The following CLEC20A variants were observed in gnomAD, a reference collection of about 807,000 sequenced individuals.
The protein encoded by CLEC20A is putative C-type lectin domain family 20 member A.
At chr1:178,485,982 G>T (rs2101865537) in intron 5 of CLEC20A, among the ~76,000 whole-genome samples, 1 of 152,308 alleles carries the variant, frequency 6.6e-6, no homozygotes, top group Middle Eastern at 3.4e-3. Context: ...ACCATTTATT[G>T]AGTGTCTGCC....
At position 178,485,320 on chromosome 1, in the gene CLEC20A, T is replaced by C. The variant is rs187082745; in HGVS notation, c.929-2038A>G. On this transcript the variant is annotated intron_variant, in intron 5 of 7. Coordinates refer to ENST00000623247, the Ensembl canonical transcript of CLEC20A. The stretch of plus-strand genomic sequence containing the variant: ...TCCATTGGCTGGGGGATCAAGTCCT[T>C]CAGATTTTGCCCCCAGTGTACCCCT... 3.9e-5 allele frequency among the ~76,000 whole-genome samples: 6 copies of C among 152,278 alleles called. No individual in the cohort carries two copies. In the East Asian group the frequency reaches 1.2e-3, roughly 29 times the overall value.
At chr1:178,492,760 A>G (rs964317854) in intron 2 of CLEC20A, among the ~76,000 whole-genome samples, 194 bp from the exon 3 acceptor site, 3 of 152,190 alleles carry the variant, frequency 2.0e-5, no homozygotes, top group Non-Finnish European at 4.4e-5. Flanking sequence ...CCCTGGGAAA[A>G]AATGGCAGAA....
At chr1:178,496,721 G>T in intron 1 of CLEC20A, 179 bp downstream of exon 1, 1 of 397,416 alleles carries the variant, frequency 2.5e-6, no homozygotes, top group Non-Finnish European at 4.4e-6. Context: ...GGTTAGGGGC[G>T]ATGAGGGCGA....
chr1:178,496,609 C>T (rs139223377), intron 1 of CLEC20A: 69 of 366,416 alleles, frequency 1.9e-4, no homozygotes, highest in African/African-American at 1.2e-3. Context: ...GTGACCTGCG[C>T]GGCCGTCTCT....
At chr1:178,487,026 C>G (rs936055314) in intron 5 of CLEC20A, 1 of 391,826 alleles carries the variant, frequency 2.6e-6, no homozygotes, top group Non-Finnish European at 4.5e-6. Flanking sequence ...CCGGGCCCTG[C>G]GAGGCGCCCA....
exon 2 of CLEC20A, chr1:178,494,530 C>T (rs549740809): frequency 2.3e-5 from 9 of 399,592 alleles, no homozygotes; most frequent in Middle Eastern, 6.3e-4. Flanking sequence ...AAGTGTACAG[C>T]GTGGCACAGA....
chr1:178,490,316 A>G (rs1007145003), exon 4 of CLEC20A: 1 of 398,664 alleles, frequency 2.5e-6, no homozygotes, highest in African/African-American at 2.1e-5. Context: ...TGCCTGTCTC[A>G]TCCGTCACCA....
At chr1:178,487,174 G>T (rs1649169601) in intron 5 of CLEC20A, among the ~76,000 whole-genome samples, 1 of 152,222 alleles carries the variant, frequency 6.6e-6, no homozygotes, top group Non-Finnish European at 1.5e-5. Context: ...TTCCACGCCT[G>T]GCCTTGCCCA....
intron 5 of CLEC20A, among the ~76,000 whole-genome samples, chr1:178,487,258 G>A (rs1217032004): frequency 1.3e-5 from 2 of 152,222 alleles, no homozygotes; most frequent in Non-Finnish European, 2.9e-5. Context: ...AGCGAGCCTG[G>A]GGCAGCCAGG....
chr1:178,497,842 C>T (rs1274867487), upstream of CLEC20A, among the ~76,000 whole-genome samples: 1 of 152,056 alleles, frequency 6.6e-6, no homozygotes, highest in Non-Finnish European at 1.5e-5. Flanking sequence ...GGAACCCATC[C>T]TTGGGGCTGG....
At chr1:178,488,183 A>G (rs1455503817) in intron 5 of CLEC20A, among the ~76,000 whole-genome samples, 1 of 152,166 alleles carries the variant, frequency 6.6e-6, no homozygotes, top group Non-Finnish European at 1.5e-5. Flanking sequence ...CCAGGGCCTC[A>G]GCCTCTCACC....
chr1:178,491,780 C>T (rs1197879281), intron 3 of CLEC20A, among the ~76,000 whole-genome samples: 2 of 152,192 alleles, frequency 1.3e-5, no homozygotes, highest in Non-Finnish European at 2.9e-5. Flanking sequence ...TTTTAAAAGA[C>T]ACCAATGCAG....
exon 7 of CLEC20A, chr1:178,482,395 G>T (rs184138278): frequency 5.0e-6 from 2 of 398,468 alleles, no homozygotes; most frequent in East Asian, 7.1e-5. Context: ...CCAAAAGGGT[G>T]CCCTGAAAAA....
chr1:178,490,107 T>C (rs1234606874), exon 4 of CLEC20A: 4 of 398,604 alleles, frequency 1.0e-5, no homozygotes, highest in Admixed American at 4.4e-5. Flanking sequence ...GGAAGAGCAG[T>C]TCACTGAGTA....
intron 5 of CLEC20A, 174 bp from the exon 6 acceptor site, chr1:178,483,456 C>T (rs1046758124): frequency 2.6e-6 from 1 of 391,412 alleles, no homozygotes; most frequent in Non-Finnish European, 4.5e-6. Context: ...CCTGACTCAC[C>T]CCTACAGGCT....
At chr1:178,490,242 T>C in exon 4 of CLEC20A, 1 of 398,638 alleles carries the variant, frequency 2.5e-6, no homozygotes, top group Non-Finnish European at 4.4e-6. Flanking sequence ...AGATCCGGAG[T>C]TTGCATTGAG....
intron 4 of CLEC20A, among the ~76,000 whole-genome samples, chr1:178,488,865 G>GA (rs1649213046): frequency 6.6e-6 from 1 of 152,124 alleles, no homozygotes; most frequent in Non-Finnish European, 1.5e-5. Context: ...AACACAAAAA[G>GA]AAACAGCCAA....
chr1:178,487,116 G>C (rs1649167497), intron 5 of CLEC20A, among the ~76,000 whole-genome samples: 1 of 152,198 alleles, frequency 6.6e-6, no homozygotes, highest in South Asian at 2.1e-4. Flanking sequence ...CCAAAGCCGA[G>C]GGCAAGAAGG....
At chr1:178,492,068 G>C (rs951015070) in intron 3 of CLEC20A, among the ~76,000 whole-genome samples, 55 of 152,082 alleles carry the variant, frequency 3.6e-4, no homozygotes, top group African/African-American at 1.1e-3. Flanking sequence ...TGGATCACTA[G>C]AGCCCAGGAG....
Sources: allele counts gnomAD v4.1 joint callset (sites outside exome capture counted in the v4.1 genomes callset), GRCh38; gene constraint gnomAD v4.1.1; transcripts MANE v1.5; gene names NCBI Gene and HGNC (gene_info 2026-07-23, HGNC 2026-07-21).